The following ST6GALNAC5 variants were observed in gnomAD, a reference collection of about 807,000 sequenced individuals.
ST6GALNAC5 encodes alpha-N-acetylgalactosaminide alpha-2,6-sialyltransferase 5.
ST6GALNAC5 carries 27 observed loss-of-function variants against 33.6 expected under a neutral mutation model. The ratio of observed to expected loss-of-function variants is 0.80; its 90% confidence interval spans 0.59 to 1.11. The LOEUF (loss-of-function observed/expected upper bound fraction) is 1.11. ST6GALNAC5 is among the 50% of genes least tolerant of loss of function. The pLI, the probability that ST6GALNAC5 is intolerant of heterozygous loss-of-function variation, is 0.00. For missense variants in ST6GALNAC5, 428 were observed against 454.0 expected (o/e 0.94, Z 0.52); for synonymous variants, 194 against 171.2 (o/e 1.13, Z -1.04).
intron 2 of ST6GALNAC5, among the ~76,000 whole-genome samples, chr1:77,006,228 C>T (rs889059037): frequency 2.6e-5 from 4 of 151,864 alleles, no homozygotes; most frequent in Non-Finnish European, 5.9e-5. Context: ...GATCACAGCT[C>T]ACTGCAGCCT....
intron 2 of ST6GALNAC5, among the ~76,000 whole-genome samples, chr1:76,983,727 C>T (rs915820106): frequency 2.6e-4 from 39 of 152,318 alleles, no homozygotes; most frequent in African/African-American, 7.9e-4. Flanking sequence ...AGCACCACGT[C>T]GCACTTATTC....
intron 2 of ST6GALNAC5, among the ~76,000 whole-genome samples, chr1:76,902,549 A>T (rs1016650682): frequency 1.3e-5 from 2 of 152,148 alleles, no homozygotes; most frequent in Non-Finnish European, 2.9e-5. Flanking sequence ...ATTCATATGG[A>T]ATTGCAGGGG....
rs185020680 is a variant in ST6GALNAC5, at chr1:77,011,730, A to G, written c.262-32474A>G. 4.2e-3 allele frequency among the ~76,000 whole-genome samples: 633 copies of G among 152,186 alleles called. 5 individuals are homozygous for G. The highest frequency in any genetic ancestry group is 0.014 in the African/African-American group (590 of 41,532). On this transcript the variant is annotated intron_variant, in intron 2 of 4. Coordinates refer to ENST00000477717, the MANE Select transcript of ST6GALNAC5 (RefSeq NM_030965.3). ...TATAATATAGTGATAATGATAATAC[A>G]GTAACTGCATATAAGTACTTATATA...
At chr1:76,929,359 C>T (rs372970921) in intron 2 of ST6GALNAC5, among the ~76,000 whole-genome samples, 7 of 152,130 alleles carry the variant, frequency 4.6e-5, no homozygotes, top group East Asian at 3.9e-4. Flanking sequence ...TGGCCGAGAC[C>T]GTGAGACCTG....
intron 2 of ST6GALNAC5, among the ~76,000 whole-genome samples, chr1:77,022,018 T>C (rs1047291542): frequency 6.6e-6 from 1 of 152,182 alleles, no homozygotes; most frequent in Non-Finnish European, 1.5e-5. Flanking sequence ...TTTGTCTTTT[T>C]TCCCCCAGCC....
intron 2 of ST6GALNAC5, among the ~76,000 whole-genome samples, chr1:77,034,199 AT>A (rs1651566860): frequency 6.6e-6 from 1 of 152,066 alleles, no homozygotes; most frequent in Non-Finnish European, 1.5e-5. Flanking sequence ...GCTCTAGGGA[AT>A]GATACTTCCT....
Position 77,050,366 on chromosome 1 carries a change from G to T in ST6GALNAC5, c.779+1G>T. ...GCATGGTGCCCCCAGACTTCTGCAG[G>T]TAGGATTTATTCTGCAAGTGTAAAT... On this transcript the variant is annotated splice_donor_variant, in intron 4 of 4. Coordinates refer to ENST00000477717, the MANE Select transcript of ST6GALNAC5 (RefSeq NM_030965.3). LOFTEE classifies it high-confidence loss of function. 1 of 1,613,076 alleles carries T rather than the reference G, an allele frequency of 6.2e-7. No homozygotes were observed. Among genetic ancestry groups the T allele is most frequent in the Non-Finnish European group, 8.5e-7 (1 of 1,179,068 alleles).
intron 2 of ST6GALNAC5, among the ~76,000 whole-genome samples, chr1:77,013,968 C>A (rs1358085721): frequency 6.6e-6 from 1 of 152,170 alleles, no homozygotes; most frequent in Non-Finnish European, 1.5e-5. Context: ...TGGGTAAAGT[C>A]ATAAGTAAAG....
At chr1:76,954,587 G>A (rs557823809) in intron 2 of ST6GALNAC5, among the ~76,000 whole-genome samples, 1 of 152,162 alleles carries the variant, frequency 6.6e-6, no homozygotes, top group South Asian at 2.1e-4. Context: ...AAATACATAT[G>A]TAAAACATTA....
chr1:76,976,747 CT>C (rs1170561123), intron 2 of ST6GALNAC5, among the ~76,000 whole-genome samples: 1 of 152,144 alleles, frequency 6.6e-6, no homozygotes, highest in East Asian at 1.9e-4. Context: ...ATAGTCCCCC[CT>C]GAGCCCCCAT....
At chr1:77,039,031 G>A (rs1651749006) in intron 2 of ST6GALNAC5, among the ~76,000 whole-genome samples, 1 of 152,144 alleles carries the variant, frequency 6.6e-6, no homozygotes, top group Non-Finnish European at 1.5e-5. Context: ...AAGCACAAAA[G>A]AGACAGCAAA....
chr1:76,948,051 A>G (rs999218170), intron 2 of ST6GALNAC5, among the ~76,000 whole-genome samples: 1 of 152,108 alleles, frequency 6.6e-6, no homozygotes, highest in Admixed American at 6.6e-5. Flanking sequence ...TGTTTAACAC[A>G]CTAAGTTTAT....
chr1:76,896,915 G>T (rs1050432244), intron 2 of ST6GALNAC5, among the ~76,000 whole-genome samples: 2 of 152,146 alleles, frequency 1.3e-5, no homozygotes, highest in African/African-American at 4.8e-5. Flanking sequence ...GGACAGAAAG[G>T]CTACAGGGTG....
intron 2 of ST6GALNAC5, among the ~76,000 whole-genome samples, chr1:76,981,642 C>T (rs1161992291): frequency 2.1e-5 from 2 of 97,330 alleles, no homozygotes; most frequent in Non-Finnish European, 4.3e-5. Flanking sequence ...AGTTGTTCTC[C>T]CAGCATTGCA....
intron 2 of ST6GALNAC5, among the ~76,000 whole-genome samples, chr1:76,959,806 A>G (rs2100348316): frequency 6.6e-6 from 1 of 152,330 alleles, no homozygotes; most frequent in East Asian, 1.9e-4. Flanking sequence ...ATGAGCAGTG[A>G]CTACTTCCTT....
intron 2 of ST6GALNAC5, among the ~76,000 whole-genome samples, chr1:77,007,903 A>G (rs1052849367): frequency 6.6e-6 from 1 of 152,212 alleles, no homozygotes; most frequent in Admixed American, 6.5e-5. Context: ...TACCTGAGGG[A>G]GGGCTACTGA....
chr1:76,974,364 C>G (rs898586804), intron 2 of ST6GALNAC5, among the ~76,000 whole-genome samples: 6 of 151,894 alleles, frequency 4.0e-5, no homozygotes, highest in Admixed American at 3.9e-4. Flanking sequence ...CATCACCACA[C>G]TCAGTTGATT....
chr1:76,934,997 A>C (rs749206458), intron 2 of ST6GALNAC5, among the ~76,000 whole-genome samples: 2 of 152,078 alleles, frequency 1.3e-5, no homozygotes, highest in Non-Finnish European at 2.9e-5. Context: ...TACTTGGCTT[A>C]ATTACTGGTT....
intron 3 of ST6GALNAC5, among the ~76,000 whole-genome samples, chr1:77,047,694 C>T: frequency 6.6e-6 from 1 of 151,990 alleles, no homozygotes; most frequent in East Asian, 1.9e-4. Context: ...TGATTCAGAA[C>T]CAATATTATA....
Sources: allele counts gnomAD v4.1 joint callset (sites outside exome capture counted in the v4.1 genomes callset), GRCh38; gene constraint gnomAD v4.1.1; transcripts MANE v1.5; gene names NCBI Gene and HGNC (gene_info 2026-07-23, HGNC 2026-07-21).